The following ADORA2B variants were observed in gnomAD, a reference collection of about 807,000 sequenced individuals.
ADORA2B encodes the protein adenosine receptor A2b.
Under a neutral mutation model 20.8 loss-of-function variants are expected in ADORA2B, and 18 were observed. The ratio of observed to expected loss-of-function variants is 0.87; its 90% CI spans 0.60 to 1.29. The LOEUF (loss-of-function observed/expected upper bound fraction) is 1.29, where lower values mean the gene tolerates loss of function less well. Among genes scored for constraint, ADORA2B ranks in the 50% most tolerant of loss-of-function variants. The pLI is 0.00. For synonymous variants in ADORA2B, 179 were observed against 178.3 expected, an observed-to-expected ratio of 1.00 and a Z score of -0.03; for missense variants, 441 against 422.7, an observed-to-expected ratio of 1.04 and a Z score of -0.38.
the ADORA2B span, among the ~76,000 whole-genome samples, chr17:15,896,316 A>G: frequency 2.6e-5 from 4 of 152,212 alleles, no homozygotes; most frequent in Non-Finnish European, 1.5e-5. Context: ...ACTGTGTTTA[A>G]ACATATTAAA....
intron 1 of ADORA2B, among the ~76,000 whole-genome samples, chr17:15,957,271 G>A (rs751840961): frequency 6.6e-6 from 1 of 152,218 alleles, no homozygotes; most frequent in Non-Finnish European, 1.5e-5. Flanking sequence ...AAAGAGTCCT[G>A]AGAACCACAG....
the ADORA2B span, among the ~76,000 whole-genome samples, chr17:15,899,855 CAG>C: frequency 1.3e-5 from 2 of 149,666 alleles, no homozygotes; most frequent in African/African-American, 2.5e-5. Context: ...TTTTTTGAGA[CAG>C]AGTCTCTCTC....
At chr17:15,937,841 G>A in the ADORA2B span, among the ~76,000 whole-genome samples, 4 of 152,172 alleles carry the variant, frequency 2.6e-5, no homozygotes, top group African/African-American at 9.7e-5. Flanking sequence ...CCAAATTGCT[G>A]GGATTACAGG....
the ADORA2B span, among the ~76,000 whole-genome samples, chr17:15,886,220 A>C: frequency 0.27 from 38,258 of 144,314 alleles, 5,445 homozygotes; most frequent in African/African-American, 0.32. Flanking sequence ...CCAGGCTCCC[A>C]GAACTCCATG....
the ADORA2B span, among the ~76,000 whole-genome samples, chr17:15,929,048 C>A: frequency 6.6e-6 from 1 of 152,072 alleles, no homozygotes. Context: ...AAAACAGACA[C>A]CCCTTGAGAG....
the ADORA2B span, among the ~76,000 whole-genome samples, chr17:15,927,940 A>G: frequency 6.6e-6 from 1 of 152,134 alleles, no homozygotes; most frequent in African/African-American, 2.4e-5. Context: ...CCCCTGCCTC[A>G]GCCTCCCGAG....
chr17:15,862,612 T>A, the ADORA2B span, among the ~76,000 whole-genome samples: 1 of 152,068 alleles, frequency 6.6e-6, no homozygotes, highest in African/African-American at 2.4e-5. Flanking sequence ...TATGCCTTAA[T>A]CTCCATTTAT....
intron 1 of ADORA2B, among the ~76,000 whole-genome samples, chr17:15,948,309 C>CAGGGAAAAGGAGTGT (rs56317334): frequency 6.7e-6 from 1 of 149,506 alleles, no homozygotes; most frequent in African/African-American, 2.5e-5. Flanking sequence ...CTTGGCCTGG[C>CAGGGAAAAGGAGTGT]CCTTTGCCTT....
chr17:15,872,425 G>A, the ADORA2B span, among the ~76,000 whole-genome samples: 31,772 of 151,912 alleles, frequency 0.21, 3,914 homozygotes, highest in Non-Finnish European at 0.28. Context: ...TTTTGGGATT[G>A]TTTTTTCTAA....
the ADORA2B span, among the ~76,000 whole-genome samples, chr17:15,936,911 G>C: frequency 6.6e-6 from 1 of 152,172 alleles, no homozygotes; most frequent in African/African-American, 2.4e-5. Flanking sequence ...AATCATGATT[G>C]TGCCACTGCA....
At chr17:15,865,323 G>A in the ADORA2B span, among the ~76,000 whole-genome samples, 7 of 151,886 alleles carry the variant, frequency 4.6e-5, no homozygotes, top group Non-Finnish European at 1.0e-4. Flanking sequence ...GTGCAGTGGC[G>A]TGATCTCGGC....
the ADORA2B span, among the ~76,000 whole-genome samples, chr17:15,921,464 T>G: frequency 0.1 from 15,793 of 152,248 alleles, 2,345 homozygotes; most frequent in African/African-American, 0.33. Context: ...AGATCCATTT[T>G]CTGTAATCGT....
rs149531805 is a variant in ADORA2B at position 15,961,152 on chromosome 17, G to A, written c.336-13527G>A. Among the ~76,000 whole-genome samples the A allele has an allele frequency of 1.9e-3, 234 of 120,456 alleles. 2 individuals carry two copies. The highest frequency in any genetic ancestry group is 9.1e-3 in the East Asian group (37 of 4,082). 79.0% of individuals were successfully genotyped at this position (120,456 alleles called of 152,430 possible). ...ACTGCACTCCAGCCTTGGCAACAGA[G>A]CGAGACTCTGTCAAAAAAAAAAAAA... On this transcript the variant is annotated intron_variant, in intron 1 of 1. Coordinates refer to ENST00000304222, the MANE Select transcript of ADORA2B (RefSeq NM_000676.4).
chr17:15,857,574 C>T, the ADORA2B span, among the ~76,000 whole-genome samples: 1 of 152,222 alleles, frequency 6.6e-6, no homozygotes, highest in African/African-American at 2.4e-5. Context: ...TGCCCAAGAC[C>T]ATAGGAGCCT....
Position 15,964,836 on chromosome 17 carries a change from C to T in ADORA2B, c.336-9843C>T, listed in dbSNP as rs576602903. On this transcript the variant is annotated intron_variant, in intron 1 of 1. Transcript: ENST00000304222. ...CAGCACTTTGGGAGGCCAAGGTGGG[C>T]GAATCACGAGGTCAGGAGATCGAGA... is the stretch of plus-strand genomic sequence containing the variant. 1.3e-3 allele frequency among the ~76,000 whole-genome samples: 194 copies of T among 151,546 alleles called. 4 individuals are homozygous for T. Among genetic ancestry groups the T allele is most frequent in the Non-Finnish European group, 1.5e-3 (102 of 67,884 alleles).
the ADORA2B span, among the ~76,000 whole-genome samples, chr17:15,923,407 A>ATTT: frequency 4.2e-5 from 5 of 120,212 alleles, no homozygotes; most frequent in African/African-American, 1.4e-4. Flanking sequence ...ATATATATAT[A>ATTT]TTTTTTTTTT....
intron 1 of ADORA2B, among the ~76,000 whole-genome samples, chr17:15,973,623 C>T (rs1241774535): frequency 2.6e-5 from 4 of 152,184 alleles, no homozygotes; most frequent in Non-Finnish European, 5.9e-5. Flanking sequence ...GTGAACTGTG[C>T]ACGCAGGGGA....
At chr17:15,869,032 AT>A in the ADORA2B span, among the ~76,000 whole-genome samples, 1 of 151,620 alleles carries the variant, frequency 6.6e-6, no homozygotes, top group Non-Finnish European at 1.5e-5. Context: ...TTAAAAAATA[AT>A]TGAAGGCCAG....
intron 1 of ADORA2B, among the ~76,000 whole-genome samples, chr17:15,968,454 C>G (rs756971026): frequency 6.6e-6 from 1 of 152,140 alleles, no homozygotes; most frequent in Non-Finnish European, 1.5e-5. Context: ...AGAGGTTGTG[C>G]TGAGGGGTCT....
Sources: gnomAD v4.1 joint callset for allele counts (sites outside exome capture counted in the v4.1 genomes callset) on GRCh38, gnomAD v4.1.1 for gene constraint, MANE v1.5 for transcripts, NCBI Gene and HGNC (gene_info 2026-07-23, HGNC 2026-07-21) for gene names.